MUC3A: variants seen among roughly 807,000 people sequenced by gnomAD.
The protein encoded by MUC3A is mucin-3A.
MUC3A carries 109 observed loss-of-function variants against 109.0 expected under a neutral mutation model. The observed-to-expected ratio is 1.00, with a 90% CI of 0.86 to 1.17. The LOEUF is 1.17. MUC3A is among the 50% of genes most tolerant of loss of function. MUC3A has a pLI of 0.00. For synonymous variants in MUC3A, 1,398 were observed against 981.4 expected, an observed-to-expected ratio of 1.42 and a Z score of -7.93; for missense variants, 3,537 against 2,469.4, an observed-to-expected ratio of 1.43 and a Z score of -9.16.
chr7:100,949,756 A>T (rs78920296), intron 1 of MUC3A, 71 bp downstream of exon 1: 1 of 860,260 alleles, frequency 1.2e-6, no homozygotes, highest in Non-Finnish European at 1.5e-6. Flanking sequence ...GGGAGGGAAA[A>T]GTGGCTGTAA....
intron 2 of MUC3A, 26 bp downstream of exon 2, chr7:100,960,671 C>A (rs1179793697): frequency 1.9e-6 from 3 of 1,592,874 alleles, no homozygotes; most frequent in Admixed American, 3.4e-5. Context: ...TCTCTGTTCC[C>A]CTCCTTCCTC....
Position 100,959,180 on chromosome 7 carries a change from G to A in MUC3A, c.7401G>A (p.Glu2467=). Residue 2467 remains glutamate (E), a synonymous_variant, in exon 2 of 12, where the codon GAG becomes GAA. Coordinates refer to ENST00000379458, the MANE Select transcript of MUC3A (RefSeq NM_005960.2). ...TAITSHFTTS[E]TAVTPTPVTP... is the part of the protein sequence containing the mutation. Reference sequence around the variant, plus strand: ...TCACCTCACATTTTACTACCTCAGAGACTGCGGTGACTCCCACACCTGTAA... The same window carrying A: ...TCACCTCACATTTTACTACCTCAGAAACTGCGGTGACTCCCACACCTGTAA... 1.3e-6 allele frequency: 2 copies of A among 1,596,286 alleles called. No individual in the cohort carries two copies. Among genetic ancestry groups the A allele is most frequent in the South Asian group, 1.1e-5 (1 of 90,936 alleles).
rs1203917689 is a variant in MUC3A, at chr7:100,959,232, C to T, written c.7453C>T (p.Pro2485Ser). Residue 2485 changes from proline (P) to serine (S), a missense_variant, in exon 2 of 12, where the codon CCG becomes TCG. Physicochemically the swap from Pro to Ser is moderately conservative, Grantham distance 74 (BLOSUM62 -1). Transcript: ENST00000379458. ...VTPSSLSTDI[P>S]TTSLRTLTPS... ...CCCATCTTCTCTGAGTACAGACATCCCGACCACAAGCCTACGAACTCTCAC... is the reference window on the plus strand; with the variant it reads ...CCCATCTTCTCTGAGTACAGACATCTCGACCACAAGCCTACGAACTCTCAC... The T allele has an allele frequency of 2.5e-6, 4 of 1,598,314 alleles. No homozygotes were observed. The highest frequency in any genetic ancestry group is 1.7e-5 in the Admixed American group (1 of 60,024).
chr7:100,957,731 C>T lies in MUC3A; in HGVS notation c.5952C>T (p.Thr1984=), dbSNP rs937449179. 2 of 1,334,366 alleles carry T rather than the reference C, an allele frequency of 1.5e-6. No homozygotes were observed. The highest frequency in any genetic ancestry group is 2.1e-6 in the Non-Finnish European group (2 of 959,092). 82.7% of individuals were successfully genotyped at this position (1,334,366 alleles called of 1,614,324 possible). ...SLTSSITTTK[T]TSHSTPSYTS... The stretch of plus-strand genomic sequence containing the variant: ...CTTCTTCAATCACCACCACCAAGAC[C>T]ACCTCACACAGTACTCCCAGCTACA... The change falls in exon 2 of 12, where the codon ACC becomes ACT. Residue 1984 remains threonine, a synonymous_variant. Transcript: ENST00000379458.
intron 3 of MUC3A, among the ~76,000 whole-genome samples, chr7:100,961,757 A>C (rs1427970481): frequency 3.3e-5 from 5 of 152,308 alleles, no homozygotes; most frequent in Non-Finnish European, 7.3e-5. Flanking sequence ...ATATTGCAGT[A>C]AAGCGAGATT....
In MUC3A at chr7:100,958,526, A is replaced by G; in HGVS notation, c.6747A>G (p.Thr2249=). The change falls in exon 2 of 12, where the codon ACA becomes ACG. Residue 2249 remains threonine (T), a synonymous_variant. Coordinates refer to ENST00000379458, the MANE Select transcript of MUC3A (RefSeq NM_005960.2). ...FTSSITTTET[T]SHSTPSFTSS... ...CTTCAATCACCACCACTGAGACTAC[A>G]TCCCACAGTACTCCCAGCTTCACTT... is the stretch of plus-strand genomic sequence containing the variant. 1.9e-6 allele frequency: 1 copy of G among 524,024 alleles called. No individual in the cohort carries two copies. 32.5% of individuals were successfully genotyped at this position (524,024 alleles called of 1,614,324 possible).
At chr7:100,964,905 A>T in intron 6 of MUC3A, 62 bp downstream of exon 6, 1 of 1,531,604 alleles carries the variant, frequency 6.5e-7, no homozygotes, top group Non-Finnish European at 8.8e-7. Flanking sequence ...ACTCCAGCTC[A>T]GCCAGGGGGC....
At position 100,956,834 on chromosome 7, in the gene MUC3A, C is replaced by T. The variant is rs1792109178; in HGVS notation, c.5055C>T (p.Ala1685=). ...THTQSISSPP[A]ITSTLHTTAE... ...CCCAGAGTATCTCCTCACCCCCAGC[C>T]ATCACCAGTACACTCCACACAACAG... is the stretch of plus-strand genomic sequence containing the variant. Residue 1685 remains alanine, a synonymous_variant, in exon 2 of 12, where the codon GCC becomes GCT. Transcript: ENST00000379458. 1 of 413,534 alleles carries T rather than the reference C, an allele frequency of 2.4e-6. No homozygotes were observed. The highest frequency in any genetic ancestry group is 2.0e-5 in the African/African-American group (1 of 48,830). The allele number at this position is 413,534 out of a possible 1,614,324, so 25.6% of individuals were successfully genotyped here.
In MUC3A at chr7:100,960,026, C is replaced by G. The variant is rs1219382770; in HGVS notation, c.8247C>G (p.Thr2749=). ...TSTSSTSSSL[T]TALTEITPFS... is the part of the protein sequence containing the mutation. ...CTTCTTCAACCAGCTCCTCTCTGAC[C>G]ACAGCTCTCACTGAAATAACCCCCT... is the stretch of plus-strand genomic sequence containing the variant. Residue 2749 remains threonine (T), a synonymous_variant, in exon 2 of 12, where the codon ACC becomes ACG. Coordinates refer to ENST00000379458, the MANE Select transcript of MUC3A (RefSeq NM_005960.2). The G allele has an allele frequency of 6.6e-7, 1 of 1,509,908 alleles. No homozygotes were observed. The highest frequency in any genetic ancestry group is 2.3e-5 in the East Asian group (1 of 44,298). The allele number at this position is 1,509,908 out of a possible 1,614,324, so 93.5% of individuals were successfully genotyped here.
Position 100,959,962 on chromosome 7 carries a change from C to G in MUC3A, c.8183C>G (p.Thr2728Arg), listed in dbSNP as rs992122216. 1.1e-4 allele frequency: 173 copies of G among 1,509,778 alleles called. No individual in the cohort carries two copies. The highest frequency in any genetic ancestry group is 1.5e-4 in the Non-Finnish European group (169 of 1,140,430). 93.5% of individuals were successfully genotyped at this position (1,509,778 alleles called of 1,614,324 possible). A position where few individuals can be genotyped will look rare whatever the true frequency, so the allele number is the denominator to read the frequency against. Residue 2728 changes from threonine to arginine, a missense_variant, in exon 2 of 12, where the codon ACA becomes AGA. By Grantham distance (71) the Thr-to-Arg change is moderately conservative. Transcript: ENST00000379458. ...GAAAATGTGGGCTCCGCTTCTATCA[C>G]AGGCTTTCCTAGTCTCTCTTCCTCT... is the stretch of plus-strand genomic sequence containing the variant. ...STENVGSASI[T>R]GFPSLSSSAT...
Position 100,954,801 on chromosome 7 carries a change from C to T in MUC3A, c.3022C>T (p.Pro1008Ser), listed in dbSNP as rs938565124. The T allele has an allele frequency of 3.1e-5, 12 of 382,442 alleles. No individual in the cohort carries two copies. Among genetic ancestry groups the T allele is most frequent in the African/African-American group, 4.8e-5 (2 of 41,688 alleles). 23.7% of individuals were successfully genotyped at this position (382,442 alleles called of 1,614,324 possible). The stretch of plus-strand genomic sequence containing the variant: ...TCTCACAACAGCCATGACTTCTCCT[C>T]CCCCCGTCAGTTCTTCAATCACTCC... The part of the protein sequence containing the change: ...VSLTTAMTSP[P>S]PVSSSITPTN... Residue 1008 changes from proline to serine, a missense_variant, in exon 2 of 12, where the codon CCC (proline) becomes TCC (serine). Pro to Ser is a moderately conservative substitution (Grantham distance 74). Transcript: ENST00000379458.
chr7:100,953,154 A>ACTGAAT lies in MUC3A; in HGVS notation c.1376_1377insTGAATC (p.Thr459_Gly460insGluSer), dbSNP rs2116163635. 4 of 665,072 alleles carry ACTGAAT rather than the reference A, an allele frequency of 6.0e-6. No homozygotes were observed. Among genetic ancestry groups the ACTGAAT allele is most frequent in the Non-Finnish European group, 5.1e-6 (2 of 390,686 alleles). The allele number at this position is 665,072 out of a possible 1,614,324, so 41.2% of individuals were successfully genotyped here. A position where few individuals can be genotyped will look rare whatever the true frequency, so the allele number is the denominator to read the frequency against. ...TATCACCCACCATTCTGTGGGCTCT[A>ACTGAAT]CCGGTTTCCTGACTACAGCAACAGA... is the stretch of plus-strand genomic sequence containing the variant. On this transcript the variant is annotated inframe_insertion, in exon 2 of 12. Coordinates refer to ENST00000379458, the MANE Select transcript of MUC3A (RefSeq NM_005960.2).
intron 6 of MUC3A, 112 bp from the exon 7 acceptor site, chr7:100,965,166 AGACG>A: frequency 6.9e-7 from 1 of 1,457,506 alleles, no homozygotes; most frequent in Non-Finnish European, 9.2e-7. Flanking sequence ...GGGCTCTCCC[AGACG>A]GAGAGAGCCC....
At chr7:100,966,775 G>A (rs778262067) in intron 10 of MUC3A, 32 bp downstream of exon 10, 132 of 1,598,374 alleles carry the variant, frequency 8.3e-5, no homozygotes, top group Non-Finnish European at 1.0e-4. Flanking sequence ...AGCAGGCAGA[G>A]GCTTTCCTGG....
intron 3 of MUC3A, among the ~76,000 whole-genome samples, chr7:100,961,141 C>T (rs1792313253): frequency 2.0e-5 from 3 of 152,310 alleles, no homozygotes; most frequent in African/African-American, 4.8e-5. Flanking sequence ...GACTACCCTC[C>T]CTCCTGGGCC....
intron 5 of MUC3A, 119 bp from the exon 6 acceptor site, chr7:100,964,576 A>C: frequency 1.4e-6 from 2 of 1,434,902 alleles, no homozygotes; most frequent in East Asian, 2.4e-5. Context: ...GTGGCATCCC[A>C]ACTCATGACC....
Position 100,956,132 on chromosome 7 carries a change from T to C in MUC3A, c.4353T>C (p.Ile1451=). ...PVSTLVTTLP[I]TITRSTLTSE... is the part of the protein sequence containing the mutation. ...CCACGTTGGTGACTACACTCCCCAT[T>C]ACCATCACCAGGTCTACACTTACAT... The change falls in exon 2 of 12, where the codon ATT becomes ATC. Residue 1451 remains isoleucine (I), a synonymous_variant. Coordinates refer to ENST00000379458, the MANE Select transcript of MUC3A (RefSeq NM_005960.2). 1 of 439,924 alleles carries C rather than the reference T, an allele frequency of 2.3e-6. No individual in the cohort carries two copies. Among genetic ancestry groups the C allele is most frequent in the Non-Finnish European group, 4.0e-6 (1 of 251,208 alleles). The allele number at this position is 439,924 out of a possible 1,614,324, so 27.3% of individuals were successfully genotyped here.
Position 100,967,129 on chromosome 7 carries a change from CAAG to C in MUC3A, c.9941_9943del (p.Lys3314del). On this transcript the variant is annotated inframe_deletion, in exon 12 of 12. Coordinates refer to ENST00000379458, the MANE Select transcript of MUC3A (RefSeq NM_005960.2). ...CACTGTGACTCTGACAGGTGCACAT[CAAG>C]AGACCCGAGATGACCTCGTCCTCAG... 5 of 1,598,554 alleles carry C rather than the reference CAAG, an allele frequency of 3.1e-6. No homozygotes were observed. Among genetic ancestry groups the C allele is most frequent in the Non-Finnish European group, 4.2e-6 (5 of 1,179,822 alleles).
Position 100,955,599 on chromosome 7 carries a change from A to T in MUC3A, c.3820A>T (p.Thr1274Ser), listed in dbSNP as rs1792076728. The T allele has an allele frequency of 1.0e-5, 5 of 476,318 alleles. No individual in the cohort carries two copies. In the South Asian group the frequency reaches 2.4e-4, roughly 23 times the overall value. The allele number at this position is 476,318 out of a possible 1,614,324, so 29.5% of individuals were successfully genotyped here. The change falls in exon 2 of 12, where the codon ACA (threonine) becomes TCA (serine). Residue 1274 changes from threonine to serine, a missense_variant. Thr to Ser is a moderately conservative substitution (Grantham distance 58). Transcript: ENST00000379458. ...PTITSTDSTL[T>S]SSLLTTFPST... ...TATCACAAGTACTGACAGCACTCTAACAAGTTCCCTCCTGACGACCTTCCC... is the reference window on the plus strand; with the variant it reads ...TATCACAAGTACTGACAGCACTCTATCAAGTTCCCTCCTGACGACCTTCCC...
Sources: allele counts gnomAD v4.1 joint callset (sites outside exome capture counted in the v4.1 genomes callset), GRCh38; gene constraint gnomAD v4.1.1; transcripts MANE v1.5; gene names NCBI Gene and HGNC (gene_info 2026-07-23, HGNC 2026-07-21).